Variants in NFIA observed in about 807,000 individuals in gnomAD.
NFIA encodes nuclear factor 1 A-type.
A neutral mutation model predicts 62.8 loss-of-function variants in NFIA; 8 were observed. The ratio of observed to expected loss-of-function variants is 0.13; its 90% CI spans 0.07 to 0.23. The LOEUF (loss-of-function observed/expected upper bound fraction) is 0.23. NFIA is among the 10% of genes least tolerant of loss of function. The pLI is 1.00. For missense variants in NFIA, 410 were observed against 642.1 expected (o/e 0.64, Z 3.91); for synonymous variants, 235 against 238.1 (o/e 0.99, Z 0.12).
At chr1:61,240,229 G>A (rs1337149509) in intron 2 of NFIA, among the ~76,000 whole-genome samples, 1 of 152,068 alleles carries the variant, frequency 6.6e-6, no homozygotes, top group Non-Finnish European at 1.5e-5. Context: ...CACTGCAGTA[G>A]TGGAAACATT....
At chr1:61,100,317 G>T (rs1302020729) in intron 2 of NFIA, among the ~76,000 whole-genome samples, 6 of 152,130 alleles carry the variant, frequency 3.9e-5, no homozygotes, top group Non-Finnish European at 8.8e-5. Flanking sequence ...TCTTTGGGTG[G>T]TGGTGGCATA....
intron 6 of NFIA, among the ~76,000 whole-genome samples, chr1:61,360,686 A>C (rs916764412): frequency 6.6e-6 from 1 of 152,202 alleles, no homozygotes; most frequent in African/African-American, 2.4e-5. Flanking sequence ...ATAAAGGTGT[A>C]GCACGGGGAA....
intron 9 of NFIA, among the ~76,000 whole-genome samples, chr1:61,424,065 G>T (rs1478595787): frequency 6.6e-6 from 1 of 151,856 alleles, no homozygotes; most frequent in Non-Finnish European, 1.5e-5. Context: ...TAAAGAACTA[G>T]AATCAAATTT....
intron 2 of NFIA, among the ~76,000 whole-genome samples, chr1:61,192,225 C>T (rs1262635192): frequency 6.6e-6 from 1 of 152,160 alleles, no homozygotes; most frequent in East Asian, 1.9e-4. Context: ...CCCAAAATTA[C>T]AGGTGTGAGC....
At chr1:61,389,744 G>GC (rs1553181079) in intron 7 of NFIA, among the ~76,000 whole-genome samples, 2 of 148,626 alleles carry the variant, frequency 1.3e-5, no homozygotes, top group African/African-American at 4.9e-5. Context: ...ATCACACTGA[G>GC]TTTTTTTTTT....
At chr1:61,295,023 G>C (rs1004989316) in intron 3 of NFIA, among the ~76,000 whole-genome samples, 2 of 152,304 alleles carry the variant, frequency 1.3e-5, no homozygotes, top group South Asian at 2.1e-4. Flanking sequence ...AGATGGTTTC[G>C]AGCAGGGTGT....
chr1:61,163,219 G>A (rs1649335311), intron 2 of NFIA, among the ~76,000 whole-genome samples: 1 of 152,142 alleles, frequency 6.6e-6, no homozygotes, highest in Admixed American at 6.5e-5. Flanking sequence ...TAAGTTGTAG[G>A]ATCTGAGACA....
intron 3 of NFIA, among the ~76,000 whole-genome samples, chr1:61,286,577 C>G (rs1289781857): frequency 6.6e-6 from 1 of 152,138 alleles, no homozygotes. Context: ...TTCATTCATT[C>G]AACAGGTATT....
chr1:61,331,264 T>C (rs777181411), intron 3 of NFIA, among the ~76,000 whole-genome samples: 16 of 152,292 alleles, frequency 1.1e-4, no homozygotes, highest in Non-Finnish European at 2.4e-4. Flanking sequence ...AAAATCTCAG[T>C]AGAAATTTCT....
intron 2 of NFIA, among the ~76,000 whole-genome samples, chr1:61,251,895 T>C (rs1656065324): frequency 1.3e-5 from 2 of 152,314 alleles, no homozygotes; most frequent in Admixed American, 1.3e-4. Flanking sequence ...TCTTTAAATA[T>C]ATTTAGATCA....
chr1:61,096,240 T>C (rs1646409567), intron 2 of NFIA, among the ~76,000 whole-genome samples: 1 of 152,110 alleles, frequency 6.6e-6, no homozygotes, highest in Non-Finnish European at 1.5e-5. Context: ...TGAGACGGAG[T>C]TTAGCCCTTG....
At chr1:61,089,043 G>C (rs2100415796) in intron 2 of NFIA, among the ~76,000 whole-genome samples, 1 of 152,260 alleles carries the variant, frequency 6.6e-6, no homozygotes, top group South Asian at 2.1e-4. Flanking sequence ...ATTTATTTTG[G>C]TATTGAGGCA....
chr1:61,136,321 T>C (rs1043062154), intron 2 of NFIA, among the ~76,000 whole-genome samples: 2 of 152,182 alleles, frequency 1.3e-5, no homozygotes, highest in African/African-American at 4.8e-5. Flanking sequence ...AAGGCTGAGT[T>C]AAGATGGGGT....
intron 2 of NFIA, chr1:61,125,292 C>T (rs564469099): frequency 2.0e-5 from 3 of 152,184 alleles, no homozygotes; most frequent in Non-Finnish European, 2.9e-5. Context: ...CAGTAGCGTC[C>T]GCTGTGTTGT....
At chr1:61,427,290 C>T (rs527400888) in intron 10 of NFIA, among the ~76,000 whole-genome samples, 2 of 152,112 alleles carry the variant, frequency 1.3e-5, no homozygotes, top group East Asian at 3.9e-4. Flanking sequence ...CAGTAAAAGG[C>T]TTTTTAAGTT....
intron 4 of NFIA, among the ~76,000 whole-genome samples, chr1:61,334,252 G>A (rs541245491): frequency 1.7e-4 from 26 of 152,114 alleles, no homozygotes; most frequent in African/African-American, 6.0e-4. Flanking sequence ...GGAGCAGCAG[G>A]TCATAACTTG....
chr1:61,246,362 C>T (rs948205726), intron 2 of NFIA, among the ~76,000 whole-genome samples: 2 of 151,952 alleles, frequency 1.3e-5, no homozygotes, highest in African/African-American at 4.8e-5. Flanking sequence ...GAAAAAGTAA[C>T]GTTATCTTGG....
intron 9 of NFIA, among the ~76,000 whole-genome samples, chr1:61,414,374 A>C (rs1666259594): frequency 3.3e-5 from 5 of 152,224 alleles, no homozygotes; most frequent in African/African-American, 1.2e-4. Context: ...AGATTGAGAA[A>C]GACAAGGTAT....
intron 3 of NFIA, among the ~76,000 whole-genome samples, chr1:61,309,926 C>G (rs1293082606): frequency 6.6e-6 from 1 of 152,174 alleles, no homozygotes; most frequent in Non-Finnish European, 1.5e-5. Context: ...TACCTTCTCC[C>G]TTTAATTTTC....
Sources: gnomAD v4.1 joint callset for allele counts (sites outside exome capture counted in the v4.1 genomes callset) on GRCh38, gnomAD v4.1.1 for gene constraint, MANE v1.5 for transcripts, NCBI Gene and HGNC (gene_info 2026-07-23, HGNC 2026-07-21) for gene names.